The following PTBP3 variants were observed in gnomAD, a reference collection of about 807,000 sequenced individuals.
PTBP3 encodes polypyrimidine tract-binding protein 3.
In PTBP3, 20 loss-of-function variants were observed where a neutral mutation model predicts 58.7. The ratio of observed to expected loss-of-function variants is 0.34; its 90% CI spans 0.24 to 0.50. The LOEUF (loss-of-function observed/expected upper bound fraction) is 0.50. PTBP3 is among the 20% of genes least tolerant of loss of function. The pLI is 0.98. For missense variants in PTBP3, 509 were observed against 637.2 expected (o/e 0.80, Z 2.17); for synonymous variants, 185 against 219.8 (o/e 0.84, Z 1.40).
chr9:112,222,936 CAT>C lies in PTBP3; in HGVS notation c.*913_*914del, dbSNP rs1188205916. 10 of 861,336 alleles carry C rather than the reference CAT, an allele frequency of 1.2e-5. No individual in the cohort carries two copies. The highest frequency in any genetic ancestry group is 1.4e-5 in the Non-Finnish European group (10 of 716,944). The allele number at this position is 861,336 out of a possible 1,614,324, so 53.4% of individuals were successfully genotyped here. On this transcript the variant is annotated 3_prime_UTR_variant, in exon 14 of 14. Coordinates refer to ENST00000374257, the MANE Select transcript of PTBP3 (RefSeq NM_001163788.4). ...ATAACTTTTAAAAAATCTGTCAAAC[CAT>C]ATGATAGACCTGAATATTTTCCTTA...
chr9:112,282,922 C>T (rs763414638), intron 2 of PTBP3, among the ~76,000 whole-genome samples: 1 of 152,034 alleles, frequency 6.6e-6, no homozygotes, highest in Non-Finnish European at 1.5e-5. Context: ...TGGTTTCCCC[C>T]ATGCTGTTCT....
chr9:112,272,058 A>G (rs189686860), intron 3 of PTBP3, among the ~76,000 whole-genome samples: 8 of 151,746 alleles, frequency 5.3e-5, no homozygotes, highest in African/African-American at 1.9e-4. Flanking sequence ...TTTGTCCCCC[A>G]TCTCACTCTT....
At chr9:112,372,279 T>C in the PTBP3 span, among the ~76,000 whole-genome samples, 32 of 152,118 alleles carry the variant, frequency 2.1e-4, no homozygotes, top group Non-Finnish European at 3.7e-4. Context: ...AGGGTCTCAC[T>C]ATGTTGCCAG....
chr9:112,367,805 G>A, the PTBP3 span, among the ~76,000 whole-genome samples: 2 of 152,006 alleles, frequency 1.3e-5, no homozygotes, highest in African/African-American at 4.8e-5. Flanking sequence ...GGATTCTTTG[G>A]GTTTCATGGA....
At chr9:112,302,038 C>T (rs1056980221) in intron 1 of PTBP3, among the ~76,000 whole-genome samples, 2 of 152,174 alleles carry the variant, frequency 1.3e-5, no homozygotes, top group African/African-American at 4.8e-5. Flanking sequence ...TGTTACAGAT[C>T]ATCCTCAACA....
intron 10 of PTBP3, among the ~76,000 whole-genome samples, chr9:112,229,388 A>T (rs1190915630): frequency 1.3e-5 from 2 of 151,656 alleles, no homozygotes; most frequent in Non-Finnish European, 2.9e-5. Flanking sequence ...ACATGGGGAA[A>T]CCCCGTCTCT....
the PTBP3 span, among the ~76,000 whole-genome samples, chr9:112,351,790 C>T: frequency 6.6e-6 from 1 of 152,078 alleles, no homozygotes. Flanking sequence ...TTACAGTTGA[C>T]CTATGTGCTC....
the PTBP3 span, among the ~76,000 whole-genome samples, chr9:112,359,187 T>G: frequency 6.6e-6 from 1 of 151,152 alleles, no homozygotes; most frequent in Non-Finnish European, 1.5e-5. Flanking sequence ...CATGCCTTAA[T>G]CCCAGCACTT....
the PTBP3 span, among the ~76,000 whole-genome samples, chr9:112,378,516 T>C: frequency 6.6e-5 from 10 of 152,214 alleles, no homozygotes; most frequent in Admixed American, 6.5e-5. Flanking sequence ...TTTTAGATGA[T>C]ATGAAGGAAA....
chr9:112,365,487 C>T, the PTBP3 span, among the ~76,000 whole-genome samples: 18 of 152,294 alleles, frequency 1.2e-4, no homozygotes, highest in South Asian at 3.1e-3. Flanking sequence ...CTCCGTCTTG[C>T]CTTCCTTCAT....
chr9:112,234,940 A>T, intron 7 of PTBP3, 43 bp from the exon 8 acceptor site: 2 of 1,490,492 alleles, frequency 1.3e-6, no homozygotes, highest in Non-Finnish European at 1.9e-6. Context: ...TACCTTCTAT[A>T]AATATCGTTA....
chr9:112,365,545 CCTTT>C, the PTBP3 span, among the ~76,000 whole-genome samples: 8 of 152,142 alleles, frequency 5.3e-5, no homozygotes, highest in African/African-American at 1.9e-4. Context: ...CCATTAAACC[CCTTT>C]CTTTTGTAAA....
At chr9:112,320,231 T>C (rs547312164) in intron 1 of PTBP3, among the ~76,000 whole-genome samples, 28 of 144,938 alleles carry the variant, frequency 1.9e-4, no homozygotes, top group Non-Finnish European at 3.4e-4. Context: ...TGAGCTATGA[T>C]TGCACCACTG....
chr9:112,289,036 C>T (rs762170411), intron 2 of PTBP3, among the ~76,000 whole-genome samples: 1 of 152,276 alleles, frequency 6.6e-6, no homozygotes, highest in East Asian at 1.9e-4. Context: ...TAGCTAAGCA[C>T]GTGCCTATCA....
the PTBP3 span, among the ~76,000 whole-genome samples, chr9:112,370,391 AAAAT>A: frequency 3.9e-5 from 6 of 152,146 alleles, no homozygotes; most frequent in Admixed American, 1.3e-4. Context: ...GAAATACAAA[AAAAT>A]AGTGGTGTGG....
At chr9:112,327,278 G>C (rs1461657461) in intron 1 of PTBP3, among the ~76,000 whole-genome samples, 1 of 151,872 alleles carries the variant, frequency 6.6e-6, no homozygotes, top group African/African-American at 2.4e-5. Flanking sequence ...AAAATTACAT[G>C]AAGAAGGCCG....
rs763296601 is a variant in PTBP3 at position 112,298,588 on chromosome 9, A to G, written c.-51-672T>C. 8 of 509,860 alleles carry G rather than the reference A, an allele frequency of 1.6e-5. No homozygotes were observed. The East Asian group carries it at 4.5e-4, about 28-fold the overall frequency. 31.6% of individuals were successfully genotyped at this position (509,860 alleles called of 1,614,324 possible). On this transcript the variant is annotated intron_variant, in intron 1 of 13. Transcript: ENST00000374257. Reference sequence around the variant, plus strand: ...AGGAAGGACAATAAATACTATGTACAAAGTTAAAACCAACCTATTTTAAAT... The same window carrying G: ...AGGAAGGACAATAAATACTATGTACGAAGTTAAAACCAACCTATTTTAAAT...
intron 2 of PTBP3, among the ~76,000 whole-genome samples, chr9:112,288,312 C>T (rs1980875): frequency 0.84 from 127,872 of 152,148 alleles, 54,028 homozygotes; most frequent in African/African-American, 0.92. Context: ...TGTTCTTTGC[C>T]TGACCTCACA....
chr9:112,286,278 T>C (rs1203283353), intron 2 of PTBP3, among the ~76,000 whole-genome samples: 1 of 152,232 alleles, frequency 6.6e-6, no homozygotes, highest in Non-Finnish European at 1.5e-5. Context: ...GAATTTTTTA[T>C]TGCATTCCCA....
Sources: allele counts gnomAD v4.1 joint callset (sites outside exome capture counted in the v4.1 genomes callset), GRCh38; gene constraint gnomAD v4.1.1; transcripts MANE v1.5; gene names NCBI Gene and HGNC (gene_info 2026-07-23, HGNC 2026-07-21).